The following ZNF414 variants were observed in gnomAD, a reference collection of about 807,000 sequenced individuals.
ZNF414 encodes zinc finger protein 414.
Under a neutral mutation model 38.3 loss-of-function variants are expected in ZNF414, and 32 were observed. That is an observed-to-expected ratio of 0.83 (90% CI 0.63 to 1.12). The LOEUF (loss-of-function observed/expected upper bound fraction) is 1.12. ZNF414 is among the 50% of genes most tolerant of loss of function. The pLI, the probability that ZNF414 is intolerant of heterozygous loss-of-function variation, is 0.00. For missense variants in ZNF414, 589 were observed against 557.4 expected (o/e 1.06, Z -0.57); for synonymous variants, 256 against 248.0 (o/e 1.03, Z -0.30).
intron 4 of ZNF414, 83 bp downstream of exon 4, chr19:8,512,304 C>A: frequency 6.4e-7 from 1 of 1,566,262 alleles, no homozygotes; most frequent in South Asian, 1.1e-5. Flanking sequence ...CTCCAACACC[C>A]TGACCAGGAA....
rs1443567953 is a variant in ZNF414, at chr19:8,510,720, C to T, written c.1144G>A (p.Gly382Arg). The T allele has an allele frequency of 6.5e-7, 1 of 1,549,594 alleles. No individual in the cohort carries two copies. Among genetic ancestry groups the T allele is most frequent in the Non-Finnish European group, 8.7e-7 (1 of 1,145,840 alleles). ...AGCTGCGAGAACACTGGAAGCTCCC[C>T]CTCTGACAGCAGCGGCGACACCTTG... Reference protein sequence around the residue: ...APKVSPLLSEGELPVFSQL With the variant: ...APKVSPLLSERELPVFSQL Residue 382 changes from glycine to arginine, a missense_variant, in exon 8 of 8, where the codon GGG becomes AGG. Physicochemically the swap from Gly to Arg is moderately radical, Grantham distance 125. Transcript: ENST00000393927.
chr19:8,512,908 G>A (rs1290529348), intron 2 of ZNF414, 121 bp downstream of exon 2: 25 of 1,310,802 alleles, frequency 1.9e-5, no homozygotes, highest in Non-Finnish European at 1.5e-5. Flanking sequence ...GCATCCACCG[G>A]CTGCTCCGTA....
intron 2 of ZNF414, 153 bp from the exon 3 acceptor site, chr19:8,512,864 G>C: frequency 8.5e-7 from 1 of 1,179,764 alleles, no homozygotes; most frequent in Non-Finnish European, 1.1e-6. Flanking sequence ...GCAGGGGCTG[G>C]ACTGGCCAGG....
Position 8,511,546 on chromosome 19 carries a change from A to AGGGGCGGGTCAAGTTCAGAGTC in ZNF414, c.875-32_875-11dup, listed in dbSNP as rs1454452570. 1.2e-5 allele frequency: 19 copies of AGGGGCGGGTCAAGTTCAGAGTC among 1,593,870 alleles called. No individual in the cohort carries two copies. In the African/African-American group the frequency reaches 2.2e-4, roughly 18 times the overall value. On this transcript the variant is annotated splice_polypyrimidine_tract_variant and intron_variant, in intron 5 of 7. Coordinates refer to ENST00000393927, the MANE Select transcript of ZNF414 (RefSeq NM_001146175.2). ...GGGCTGCTGCCAGCACCTGCGGTAAAGGGGCGGGTCAAGTTCAGAGTCAGG... is the reference window on the plus strand; with the variant it reads ...GGGCTGCTGCCAGCACCTGCGGTAAAGGGGCGGGTCAAGTTCAGAGTCGGGGCGGGTCAAGTTCAGAGTCAGG...
At position 8,511,748 on chromosome 19, in the gene ZNF414, G is replaced by A. The variant is rs1971918066; in HGVS notation, c.743C>T (p.Ala248Val). The change falls in exon 5 of 8, where the codon GCC becomes GTC. Residue 248 changes from alanine to valine, a missense_variant. Ala to Val is a moderately conservative substitution (Grantham distance 64, BLOSUM62 0). Transcript: ENST00000393927. ...LLEPFTTPAP[A>V]PTGPFLPYLN... ...GTAGGGCAGGAACGGTCCGGTGGGG[G>A]CAGGGGCGGGGGTCGTGAAGGGTTC... is the stretch of plus-strand genomic sequence containing the variant. 3 of 1,454,652 alleles carry A rather than the reference G, an allele frequency of 2.1e-6. No homozygotes were observed. The highest frequency in any genetic ancestry group is 2.6e-5 in the East Asian group (1 of 38,824). 90.1% of individuals were successfully genotyped at this position (1,454,652 alleles called of 1,614,324 possible).
chr19:8,512,079 C>A, intron 4 of ZNF414, 119 bp from the exon 5 acceptor site: 1 of 1,406,466 alleles, frequency 7.1e-7, no homozygotes, highest in South Asian at 1.6e-5. Flanking sequence ...AATCACCTCC[C>A]CGCTCCTGTA....
chr19:8,513,066 G>A lies in ZNF414; in HGVS notation c.279C>T (p.Ser93=), dbSNP rs1050810666. The change falls in exon 2 of 8, where the codon AGC becomes AGT. Residue 93 remains serine (S), a synonymous_variant. Transcript: ENST00000393927. ...GTCGTCTGGGAGGCCGCAGGTCCTC[G>A]CTGGTCCCGGAGACTATGCTGGTCA... ...PGLTSIVSGT[S]EDLRPPRRRP... 1 of 1,487,592 alleles carries A rather than the reference G, an allele frequency of 6.7e-7. No individual in the cohort carries two copies. The highest frequency in any genetic ancestry group is 8.9e-7 in the Non-Finnish European group (1 of 1,120,606). The allele number at this position is 1,487,592 out of a possible 1,614,324, so 92.1% of individuals were successfully genotyped here. A position where few individuals can be genotyped will look rare whatever the true frequency, so the allele number is the denominator to read the frequency against.
Position 8,511,605 on chromosome 19 carries a change from C to A in ZNF414, c.874+12G>T. 1 of 1,518,052 alleles carries A rather than the reference C, an allele frequency of 6.6e-7. No homozygotes were observed. Among genetic ancestry groups the A allele is most frequent in the Non-Finnish European group, 8.8e-7 (1 of 1,135,230 alleles). 94.0% of individuals were successfully genotyped at this position (1,518,052 alleles called of 1,614,324 possible). On this transcript the variant is annotated intron_variant, in intron 5 of 7. Transcript: ENST00000393927. ...AGCCAGCCCTCCTGGAGGCCCCCGACCCCACACTCACCTTGGCTCTTTTTC... is the reference window on the plus strand; with the variant it reads ...AGCCAGCCCTCCTGGAGGCCCCCGAACCCACACTCACCTTGGCTCTTTTTC...
intron 1 of ZNF414, 22 bp from the exon 2 acceptor site, chr19:8,513,363 G>T: frequency 1.9e-6 from 3 of 1,552,302 alleles, no homozygotes; most frequent in Non-Finnish European, 2.6e-6. Context: ...AAGAGGCGGA[G>T]AGAACCCTTC....
chr19:8,513,431 T>C (rs1379701980), intron 1 of ZNF414, 90 bp from the exon 2 acceptor site: 1 of 1,287,072 alleles, frequency 7.8e-7, no homozygotes. Flanking sequence ...CAGGAGAGGA[T>C]AGGGGAATAC....
In ZNF414 at chr19:8,511,978, G is replaced by A. The variant is rs2287865; in HGVS notation, c.531-18C>T. The A allele has an allele frequency of 3.6e-6, 5 of 1,405,876 alleles. No individual in the cohort carries two copies. In the African/African-American group the frequency reaches 4.3e-5, roughly 12 times the overall value. The allele number at this position is 1,405,876 out of a possible 1,614,324, so 87.1% of individuals were successfully genotyped here. A position where few individuals can be genotyped will look rare whatever the true frequency, so the allele number is the denominator to read the frequency against. ...TCTCACACCTGGAGGTGGGCAGAGG[G>A]CTGGGCTGGGCTGGGCCTCCAGGGG... On this transcript the variant is annotated intron_variant, in intron 4 of 7. Coordinates refer to ENST00000393927, the MANE Select transcript of ZNF414 (RefSeq NM_001146175.2).
chr19:8,511,015 G>T lies in ZNF414; in HGVS notation c.935C>A (p.Ala312Asp). The T allele has an allele frequency of 1.6e-6, 2 of 1,279,002 alleles. No homozygotes were observed. Among genetic ancestry groups the T allele is most frequent in the Non-Finnish European group, 2.0e-6 (2 of 1,012,912 alleles). The allele number at this position is 1,279,002 out of a possible 1,614,324, so 79.2% of individuals were successfully genotyped here. Residue 312 changes from alanine (A) to aspartate (D), a missense_variant, in exon 7 of 8, where the codon GCC becomes GAC. Ala to Asp is a moderately radical substitution (Grantham distance 126, BLOSUM62 -2). Transcript: ENST00000393927. Reference sequence around the variant, plus strand: ...GTGCTCCCACACGATGCGGCTCGGGGCCGCGTGCCCTGCGGGCAGGCGGGA... The same window carrying T: ...GTGCTCCCACACGATGCGGCTCGGGTCCGCGTGCCCTGCGGGCAGGCGGGA... ...GGSDAPSGHA[A>D]PSRIVWEHTR... is the part of the protein sequence containing the mutation.
chr19:8,511,815 CCTCCGGGGGGCG>C lies in ZNF414; in HGVS notation c.664_675del (p.Arg222_Glu225del). 7.1e-7 allele frequency: 1 copy of C among 1,401,272 alleles called. No individual in the cohort carries two copies. The highest frequency in any genetic ancestry group is 9.2e-7 in the Non-Finnish European group (1 of 1,086,114). 86.8% of individuals were successfully genotyped at this position (1,401,272 alleles called of 1,614,324 possible). On this transcript the variant is annotated inframe_deletion, in exon 5 of 8. Coordinates refer to ENST00000393927, the MANE Select transcript of ZNF414 (RefSeq NM_001146175.2). ...AGGCCCGGCGCTGATGCGGGGTCAA[CCTCCGGGGGGCG>C]CTCCGGCGCGGGCGGCTCTCGGTCC...
intron 4 of ZNF414, 82 bp from the exon 5 acceptor site, chr19:8,512,042 C>T: frequency 1.4e-6 from 2 of 1,391,086 alleles, no homozygotes; most frequent in East Asian, 5.2e-5. Flanking sequence ...ACCCGCCCTT[C>T]GAGCGTGGGA....
intron 5 of ZNF414, 39 bp downstream of exon 5, chr19:8,511,578 C>A: frequency 1.3e-6 from 2 of 1,543,668 alleles, no homozygotes; most frequent in East Asian, 4.7e-5. Flanking sequence ...CAGGGCGAGC[C>A]CAGCCAGCCC....
In ZNF414 at chr19:8,511,926, G is replaced by A. The variant is rs776598591; in HGVS notation, c.565C>T (p.Arg189Cys). The part of the protein sequence containing the change: ...ENCLLRFRTH[R>C]SLFKHLHVCA... ...ACATGCAGGTGCTTGAAGAGCGAGC[G>A]GTGCGTGCGGAAGCGCAGGAGGCAG... Residue 189 changes from arginine (R) to cysteine (C), a missense_variant, in exon 5 of 8, where the codon CGC (arginine) becomes TGC (cysteine). Transcript: ENST00000393927. 2.8e-6 allele frequency: 4 copies of A among 1,415,440 alleles called. No individual in the cohort carries two copies. Among genetic ancestry groups the A allele is most frequent in the Non-Finnish European group, 9.2e-7 (1 of 1,092,872 alleles). 87.7% of individuals were successfully genotyped at this position (1,415,440 alleles called of 1,614,324 possible).
Position 8,511,012 on chromosome 19 carries a change from G to A in ZNF414, c.938C>T (p.Pro313Leu). Reference protein sequence around the residue: ...GSDAPSGHAAPSRIVWEHTRG... With the variant: ...GSDAPSGHAALSRIVWEHTRG... ...TGTGTGCTCCCACACGATGCGGCTC[G>A]GGGCCGCGTGCCCTGCGGGCAGGCG... Residue 313 changes from proline (P) to leucine (L), a missense_variant, in exon 7 of 8, where the codon CCG (proline) becomes CTG (leucine). By Grantham distance (98) the Pro-to-Leu change is moderately conservative. Coordinates refer to ENST00000393927, the MANE Select transcript of ZNF414 (RefSeq NM_001146175.2). 3 of 1,274,744 alleles carry A rather than the reference G, an allele frequency of 2.4e-6. No homozygotes were observed. Among genetic ancestry groups the A allele is most frequent in the African/African-American group, 3.1e-5 (2 of 64,526 alleles). 79.0% of individuals were successfully genotyped at this position (1,274,744 alleles called of 1,614,324 possible).
At chr19:8,513,957 G>A in intron 1 of ZNF414, 87 bp downstream of exon 1, 2 of 1,316,300 alleles carry the variant, frequency 1.5e-6, no homozygotes, top group African/African-American at 3.1e-5. Context: ...TGGGGGCGGG[G>A]TCGGCCGGAG....
At chr19:8,513,730 A>T (rs1242137533) in intron 1 of ZNF414, among the ~76,000 whole-genome samples, 1 of 152,002 alleles carries the variant, frequency 6.6e-6, no homozygotes, top group Non-Finnish European at 1.5e-5. Context: ...ATGGGCAGGC[A>T]TGGACTGGGA....
Sources: allele counts gnomAD v4.1 joint callset (sites outside exome capture counted in the v4.1 genomes callset), GRCh38; gene constraint gnomAD v4.1.1; transcripts MANE v1.5; gene names NCBI Gene and HGNC (gene_info 2026-07-23, HGNC 2026-07-21).